Variants in TPRG1 observed in about 807,000 individuals in gnomAD.
TPRG1 encodes tumor protein p63-regulated gene 1 protein.
In TPRG1, 29 loss-of-function variants were observed where a neutral mutation model predicts 29.3. The observed-to-expected ratio is 0.99, with a 90% CI of 0.74 to 1.35. The LOEUF is 1.35. Among genes scored for constraint, TPRG1 ranks in the 40% most tolerant of loss-of-function variants. TPRG1 has a pLI of 0.00. For missense variants in TPRG1, 327 were observed against 335.0 expected, an observed-to-expected ratio of 0.98 and a Z score of 0.19; for synonymous variants, 130 against 116.8, an observed-to-expected ratio of 1.11 and a Z score of -0.73.
Position 189,019,964 on chromosome 3 carries a change from T to G in TPRG1, c.-659-3786T>G, listed in dbSNP as rs1156828056. 7.3e-5 allele frequency among the ~76,000 whole-genome samples: 11 copies of G among 151,380 alleles called. No homozygotes were observed. The South Asian group carries it at 8.4e-4, about 11-fold the overall frequency. The stretch of plus-strand genomic sequence containing the variant: ...CTTCTTCCTGGTTTAGTCTTGGGAG[T>G]GTGTATGTGTCGAGGAATTTATCCA... On this transcript the variant is annotated intron_variant, in intron 3 of 10. Transcript: ENST00000433971.
intron 2 of TPRG1, among the ~76,000 whole-genome samples, chr3:189,213,458 A>G (rs1413412625): frequency 6.6e-6 from 1 of 152,142 alleles, no homozygotes; most frequent in Non-Finnish European, 1.5e-5. Context: ...ATCTGGGTAT[A>G]TTTTCCTTCT....
At position 189,065,798 on chromosome 3, in the gene TPRG1, G is replaced by A. The variant is rs765255064; in HGVS notation, c.-463+41852G>A. On this transcript the variant is annotated intron_variant, in intron 4 of 10. Coordinates refer to the TPRG1 transcript ENST00000433971. ...TACTCTTATTCAATAGAGTACTGGC[G>A]CTCTAGCTACTGCAGTAAGCTAAGA... 1.9e-4 allele frequency among the ~76,000 whole-genome samples: 29 copies of A among 151,976 alleles called. No homozygotes were observed. In the South Asian group the frequency reaches 2.3e-3, roughly 12 times the overall value.
chr3:189,084,433 T>C (rs983351629), intron 4 of TPRG1, among the ~76,000 whole-genome samples: 2 of 152,202 alleles, frequency 1.3e-5, no homozygotes, highest in Admixed American at 1.3e-4. Flanking sequence ...GCTGTTTCAT[T>C]ACTCAGGCTT....
chr3:189,220,778 CTTTTTT>C (rs1437956319), intron 3 of TPRG1, among the ~76,000 whole-genome samples: 2 of 152,142 alleles, frequency 1.3e-5, no homozygotes, highest in Admixed American at 6.5e-5. Context: ...TGATCTCATT[CTTTTTT>C]ATGTCTGCAT....
chr3:189,288,139 C>T (rs552733072), intron 4 of TPRG1, among the ~76,000 whole-genome samples: 13 of 151,796 alleles, frequency 8.6e-5, no homozygotes, highest in Admixed American at 3.3e-4. Flanking sequence ...TGTGTGTATA[C>T]ACAACCAAAA....
intron 4 of TPRG1, among the ~76,000 whole-genome samples, chr3:189,252,814 A>G (rs1466304512): frequency 2.0e-5 from 3 of 152,186 alleles, no homozygotes; most frequent in Non-Finnish European, 4.4e-5. Context: ...TAAAGTTTTC[A>G]TTTAAAGAGT....
chr3:189,270,479 T>G (rs1376440351), intron 4 of TPRG1, among the ~76,000 whole-genome samples: 2 of 152,208 alleles, frequency 1.3e-5, no homozygotes, highest in Non-Finnish European at 2.9e-5. Flanking sequence ...TGCTGGAGGC[T>G]GCAGTGTTCC....
At chr3:189,208,024 C>T (rs1025235688) in intron 2 of TPRG1, among the ~76,000 whole-genome samples, 6 of 152,108 alleles carry the variant, frequency 3.9e-5, no homozygotes, top group Non-Finnish European at 7.4e-5. Flanking sequence ...CTAAAGTTTA[C>T]GATGGGATGC....
intron 1 of TPRG1, among the ~76,000 whole-genome samples, chr3:189,105,247 C>T (rs1160413736): frequency 6.6e-6 from 1 of 151,964 alleles, no homozygotes; most frequent in African/African-American, 2.4e-5. Context: ...AGGCTTTTTT[C>T]AATGGTATGT....
intron 4 of TPRG1, among the ~76,000 whole-genome samples, chr3:189,295,323 G>A (rs1446047713): frequency 6.6e-6 from 1 of 152,066 alleles, no homozygotes; most frequent in Non-Finnish European, 1.5e-5. Context: ...CCAAGGCTGT[G>A]TTGTGAACAC....
intron 4 of TPRG1, among the ~76,000 whole-genome samples, chr3:189,048,379 CTATT>C (rs1356024604): frequency 6.6e-6 from 1 of 152,216 alleles, no homozygotes; most frequent in East Asian, 1.9e-4. Context: ...GCTTTTTGTT[CTATT>C]TAAAGAGCAC....
At chr3:189,148,600 A>C (rs1396455848) in intron 4 of TPRG1, among the ~76,000 whole-genome samples, 1 of 152,242 alleles carries the variant, frequency 6.6e-6, no homozygotes, top group Non-Finnish European at 1.5e-5. Flanking sequence ...GAGCATGGCA[A>C]GAAGCTATAG....
intron 1 of TPRG1, among the ~76,000 whole-genome samples, chr3:189,190,398 A>C (rs917745369): frequency 6.6e-6 from 1 of 152,120 alleles, no homozygotes; most frequent in African/African-American, 2.4e-5. Context: ...AAGAATTGAC[A>C]CATCCCTGGT....
chr3:189,251,588 A>G (rs113144709), intron 4 of TPRG1, among the ~76,000 whole-genome samples: 32,036 of 151,864 alleles, frequency 0.21, 4,477 homozygotes, highest in African/African-American at 0.41. Flanking sequence ...ATGTGGCAGG[A>G]TCACAGGATA....
intron 1 of TPRG1, among the ~76,000 whole-genome samples, chr3:189,188,993 T>A (rs527434682): frequency 6.6e-6 from 1 of 152,336 alleles, no homozygotes; most frequent in African/African-American, 2.4e-5. Flanking sequence ...CAAAATAAAA[T>A]AGTTTTTTCC....
At chr3:189,097,102 TG>T (rs1718730084), upstream of TPRG1, among the ~76,000 whole-genome samples, 1 of 152,244 alleles carries the variant, frequency 6.6e-6, no homozygotes, top group South Asian at 2.1e-4. Flanking sequence ...TGGGAAATAT[TG>T]GTTCACTGAC....
At chr3:189,104,513 C>T (rs1235311830) in intron 1 of TPRG1, among the ~76,000 whole-genome samples, 11 of 152,022 alleles carry the variant, frequency 7.2e-5, no homozygotes, top group Non-Finnish European at 1.5e-4. Flanking sequence ...TAGCCCAGGA[C>T]TCTCACTTGG....
chr3:189,047,703 A>G (rs1045459677), intron 4 of TPRG1, among the ~76,000 whole-genome samples: 1 of 152,206 alleles, frequency 6.6e-6, no homozygotes, highest in African/African-American at 2.4e-5. Flanking sequence ...TAATAGTTTA[A>G]TCCTTTGTTG....
Position 189,017,957 on chromosome 3 carries a change from G to T in TPRG1, c.-659-5793G>T, listed in dbSNP as rs1218909359. On this transcript the variant is annotated intron_variant, in intron 3 of 10. Transcript: ENST00000433971. Reference sequence around the variant, plus strand: ...TGAGATGGTATCTCATTGTGGTTTTGATTTGCATTTCTCTGATGGCCAGTG... The same window carrying T: ...TGAGATGGTATCTCATTGTGGTTTTTATTTGCATTTCTCTGATGGCCAGTG... Among the ~76,000 whole-genome samples, 13 of 151,190 alleles carry T rather than the reference G, an allele frequency of 8.6e-5. 3 individuals carry two copies. Among genetic ancestry groups the T allele is most frequent in the Admixed American group, 6.6e-5 (1 of 15,192 alleles).
Sources: gnomAD v4.1 joint callset for allele counts (sites outside exome capture counted in the v4.1 genomes callset) on GRCh38, gnomAD v4.1.1 for gene constraint, MANE v1.5 for transcripts, NCBI Gene and HGNC (gene_info 2026-07-23, HGNC 2026-07-21) for gene names.